Variants in MOSPD1 observed in about 807,000 individuals in gnomAD.
The protein encoded by MOSPD1 is motile sperm domain-containing protein 1.
A neutral mutation model predicts 16.7 loss-of-function variants in MOSPD1; 5 were observed. The observed-to-expected ratio is 0.30, with a 90% CI of 0.16 to 0.63. The LOEUF (loss-of-function observed/expected upper bound fraction) is 0.63. MOSPD1 is among the 30% of genes least tolerant of loss of function. The pLI, the probability that MOSPD1 is intolerant of heterozygous loss-of-function variation, is 0.82. For synonymous variants in MOSPD1, 67 were observed against 59.2 expected, an observed-to-expected ratio of 1.13 and a Z score of -0.61; for missense variants, 104 against 153.6, an observed-to-expected ratio of 0.68 and a Z score of 1.71.
chrX:134,902,329 C>A (rs1252835126), intron 1 of MOSPD1, among the ~76,000 whole-genome samples: 1 of 109,118 alleles, frequency 9.2e-6, no homozygotes, highest in African/African-American at 3.3e-5. Context: ...ATTGCTTGAA[C>A]CCGGGAGGCG....
intron 1 of MOSPD1, among the ~76,000 whole-genome samples, chrX:134,903,316 A>G (rs1407553919): frequency 8.9e-6 from 1 of 111,908 alleles, no homozygotes; most frequent in East Asian, 2.8e-4. Context: ...TAATAAAGCC[A>G]TAAATACTCT....
At chrX:134,889,333 G>A in intron 5 of MOSPD1, 141 bp from the exon 6 acceptor site, 1 of 355,267 alleles carries the variant, frequency 2.8e-6, no homozygotes, top group Non-Finnish European at 4.8e-6. Context: ...AAGTCAATTT[G>A]AATTTTGTTG....
intron 4 of MOSPD1, among the ~76,000 whole-genome samples, chrX:134,894,908 G>A (rs192478455): frequency 8.9e-6 from 1 of 111,842 alleles, no homozygotes; most frequent in East Asian, 2.8e-4. Flanking sequence ...TGCCTTCATT[G>A]AGCTTCCTTA....
chrX:134,898,087 C>G (rs2082894938), intron 3 of MOSPD1, among the ~76,000 whole-genome samples: 2 of 110,037 alleles, frequency 1.8e-5, no homozygotes, highest in Admixed American at 9.8e-5. Context: ...CCATGTTGGC[C>G]AGGCTGGTCT....
chrX:134,914,784 C>CT lies in MOSPD1; in HGVS notation c.-102+397dup, dbSNP rs780639943. Among the ~76,000 whole-genome samples the CT allele has an allele frequency of 2.8e-3, 311 of 112,709 alleles. 1 individual carries two copies. Among genetic ancestry groups the CT allele is most frequent in the Non-Finnish European group, 3.5e-3 (186 of 53,219 alleles). ...GGTGTCACCCCAAACGGGGAGTCAA[C>CT]TTCCCTCCCCCAGCCGTCCTCGGTG... On this transcript the variant is annotated intron_variant, in intron 1 of 5. Coordinates refer to ENST00000370783, the MANE Select transcript of MOSPD1 (RefSeq NM_019556.3).
rs1306188138 is a variant in MOSPD1, at chrX:134,896,830, C to T, written c.435G>A (p.Gln145=). Residue 145 remains glutamine (Q), a synonymous_variant, in exon 4 of 6, where the codon CAG becomes CAA. Coordinates refer to ENST00000370783, the MANE Select transcript of MOSPD1 (RefSeq NM_019556.3). ...ACCCAAAACTACCTGGTTGAAACGA[C>T]TGCTCAAAAAATAAACTTTCAGTTA... ...EHLTESLFFE[Q]SFQPENRAVS... is the part of the protein sequence containing the mutation. 1 of 1,209,394 alleles carries T rather than the reference C, an allele frequency of 8.3e-7. No homozygotes were observed. Among genetic ancestry groups the T allele is most frequent in the African/African-American group, 1.7e-5 (1 of 57,829 alleles).
At chrX:134,899,757 T>C in intron 1 of MOSPD1, 1 of 167,324 alleles carries the variant, frequency 6.0e-6, no homozygotes, top group Non-Finnish European at 1.1e-5. Context: ...GGTGAAATGC[T>C]GTCTCTACTA....
At chrX:134,904,651 C>T (rs1181702208) in intron 1 of MOSPD1, among the ~76,000 whole-genome samples, 2 of 110,717 alleles carry the variant, frequency 1.8e-5, no homozygotes, top group South Asian at 7.6e-4. Flanking sequence ...CACCTGAGGT[C>T]AGGAGTTTCA....
rs749440592 is a variant in MOSPD1 at position 134,891,637 on chromosome X, T to C, written c.452A>G (p.Asn151Ser). The change falls in exon 5 of 6, where the codon AAC (asparagine) becomes AGC (serine). Residue 151 changes from asparagine (N) to serine (S), a missense_variant. Transcript: ENST00000370783. ...LFFEQSFQPENRAVSSGPSLL... is the reference protein window; with the variant it reads ...LFFEQSFQPESRAVSSGPSLL... ...ACTAGGTCCTGAGGATACAGCTCTG[T>C]TTTCTGTAAAAAGACAAAAATCCCT... 2 of 1,203,709 alleles carry C rather than the reference T, an allele frequency of 1.7e-6. No homozygotes were observed. Among genetic ancestry groups the C allele is most frequent in the Admixed American group, 4.6e-5 (2 of 43,459 alleles).
intron 3 of MOSPD1, among the ~76,000 whole-genome samples, chrX:134,897,474 T>G (rs2148393539): frequency 9.6e-6 from 1 of 104,182 alleles, no homozygotes; most frequent in African/African-American, 3.5e-5. Flanking sequence ...GGAAGATCCC[T>G]TAAGCCCAAG....
chrX:134,898,644 A>AT (rs1287654337), intron 3 of MOSPD1, among the ~76,000 whole-genome samples: 1 of 112,355 alleles, frequency 8.9e-6, no homozygotes, highest in Admixed American at 9.5e-5. Flanking sequence ...GTTTATATAG[A>AT]TTAACTTCCA....
At chrX:134,902,338 C>T (rs982449973) in intron 1 of MOSPD1, among the ~76,000 whole-genome samples, 6 of 108,443 alleles carry the variant, frequency 5.5e-5, no homozygotes, top group Non-Finnish European at 1.1e-4. Context: ...ACCCGGGAGG[C>T]GGAGGTTGCA....
chrX:134,912,961 A>G (rs1156885168), intron 1 of MOSPD1, among the ~76,000 whole-genome samples: 1 of 109,508 alleles, frequency 9.1e-6, no homozygotes, highest in East Asian at 2.9e-4. Flanking sequence ...AATTTTGGCC[A>G]GGCACAGTGG....
At chrX:134,895,781 C>A (rs946841622) in intron 4 of MOSPD1, among the ~76,000 whole-genome samples, 2 of 110,460 alleles carry the variant, frequency 1.8e-5, no homozygotes, top group Non-Finnish European at 3.8e-5. Flanking sequence ...AAAGTAATTG[C>A]GGATTTTGCA....
intron 1 of MOSPD1, among the ~76,000 whole-genome samples, chrX:134,911,731 A>C (rs761350560): frequency 6.2e-5 from 7 of 112,328 alleles, no homozygotes; most frequent in Non-Finnish European, 1.3e-4. Flanking sequence ...GAACCTGGAA[A>C]AGCTGAAAAC....
At chrX:134,897,251 TAA>T (rs754576238) in intron 3 of MOSPD1, among the ~76,000 whole-genome samples, 9 of 110,986 alleles carry the variant, frequency 8.1e-5, no homozygotes, top group East Asian at 2.8e-4. Context: ...AAACACAGAA[TAA>T]AAGTCTTAAG....
chrX:134,914,759 G>C (rs2082989773), intron 1 of MOSPD1, among the ~76,000 whole-genome samples: 1 of 112,535 alleles, frequency 8.9e-6, no homozygotes, highest in Non-Finnish European at 1.9e-5. Context: ...GGGCGAGGAC[G>C]GTGTCACCCC....
At chrX:134,901,785 C>T (rs1339418384) in intron 1 of MOSPD1, among the ~76,000 whole-genome samples, 2 of 111,911 alleles carry the variant, frequency 1.8e-5, no homozygotes, top group African/African-American at 6.5e-5. Context: ...AAAAGGAAGG[C>T]ACTTAATGCA....
intron 1 of MOSPD1, among the ~76,000 whole-genome samples, chrX:134,913,388 T>G (rs2082983238): frequency 9.0e-6 from 1 of 111,326 alleles, no homozygotes; most frequent in African/African-American, 3.3e-5. Flanking sequence ...AATATATATA[T>G]TTTTGTAGAC....
Sources: gnomAD v4.1 joint callset for allele counts (sites outside exome capture counted in the v4.1 genomes callset) on GRCh38, gnomAD v4.1.1 for gene constraint, MANE v1.5 for transcripts, NCBI Gene and HGNC (gene_info 2026-07-23, HGNC 2026-07-21) for gene names.